MAP2K4: variants seen among roughly 807,000 people sequenced by gnomAD.
The protein encoded by MAP2K4 is dual specificity mitogen-activated protein kinase kinase 4.
A neutral mutation model predicts 48.5 loss-of-function variants in MAP2K4; 4 were observed. The observed-to-expected ratio is 0.08, with a 90% confidence interval of 0.04 to 0.19. The LOEUF (loss-of-function observed/expected upper bound fraction) is 0.19. Ranked by LOEUF, MAP2K4 falls within the 10% of genes least tolerant of loss-of-function variation. MAP2K4 has a pLI of 1.00. For synonymous variants in MAP2K4, 166 were observed against 173.1 expected (o/e 0.96, Z 0.32); for missense variants, 258 against 493.3 (o/e 0.52, Z 4.52).
chr17:12,065,075 C>T (rs1970566456), intron 2 of MAP2K4, among the ~76,000 whole-genome samples: 1 of 151,936 alleles, frequency 6.6e-6, no homozygotes, highest in South Asian at 2.1e-4. Context: ...CACCAGGGAA[C>T]CAGGGAATTT....
intron 1 of MAP2K4, among the ~76,000 whole-genome samples, chr17:12,048,946 C>T (rs1017026484): frequency 2.6e-5 from 4 of 152,116 alleles, no homozygotes; most frequent in Non-Finnish European, 5.9e-5. Flanking sequence ...CATGAGCCAC[C>T]GTGCCTGACC....
intron 6 of MAP2K4, 86 bp from the exon 7 acceptor site, chr17:12,113,147 G>A: frequency 7.7e-7 from 1 of 1,305,952 alleles, no homozygotes; most frequent in South Asian, 1.4e-5. Flanking sequence ...GTTGTCTAAG[G>A]TTTTTCAATA....
At chr17:12,041,812 A>G (rs545964345) in intron 1 of MAP2K4, among the ~76,000 whole-genome samples, 53 of 152,318 alleles carry the variant, frequency 3.5e-4, no homozygotes, top group African/African-American at 1.2e-3. Flanking sequence ...CTATTAAATG[A>G]CAGGTGCTGT....
intron 2 of MAP2K4, among the ~76,000 whole-genome samples, chr17:12,057,241 T>G (rs1970307468): frequency 6.6e-6 from 1 of 152,108 alleles, no homozygotes; most frequent in Admixed American, 6.5e-5. Flanking sequence ...AAGGGGTAAA[T>G]CATTTTAGAA....
chr17:12,140,089 C>T (rs1262456157), intron 10 of MAP2K4, among the ~76,000 whole-genome samples: 3 of 152,148 alleles, frequency 2.0e-5, no homozygotes, highest in Admixed American at 1.3e-4. Context: ...GCTAAATTCT[C>T]ATGGAAAATT....
intron 1 of MAP2K4, among the ~76,000 whole-genome samples, chr17:12,046,623 A>G (rs962806464): frequency 6.6e-6 from 1 of 152,144 alleles, no homozygotes; most frequent in Non-Finnish European, 1.5e-5. Context: ...TCCCATAATG[A>G]TGGCACTGTG....
intron 9 of MAP2K4, among the ~76,000 whole-genome samples, chr17:12,132,725 A>G (rs1973070281): frequency 6.6e-6 from 1 of 152,038 alleles, no homozygotes; most frequent in African/African-American, 2.4e-5. Context: ...AAGAATTTAC[A>G]GACAACAGTA....
intron 1 of MAP2K4, among the ~76,000 whole-genome samples, chr17:12,043,008 C>T (rs914368039): frequency 2.6e-5 from 4 of 151,684 alleles, no homozygotes; most frequent in Non-Finnish European, 4.4e-5. Flanking sequence ...GATTGTGCCA[C>T]TGCACCCCAG....
chr17:12,139,863 G>A lies in MAP2K4; in HGVS notation c.1065G>A (p.Arg355=), dbSNP rs1202217220. The A allele has an allele frequency of 1.2e-6, 2 of 1,606,276 alleles. No homozygotes were observed. Among genetic ancestry groups the A allele is most frequent in the East Asian group, 2.2e-5 (1 of 44,738 alleles). The change falls in exon 10 of 11, where the codon AGG becomes AGA. Residue 355 remains arginine (R), a synonymous_variant. Coordinates refer to ENST00000353533, the MANE Select transcript of MAP2K4 (RefSeq NM_003010.4). The part of the protein sequence containing the change: ...NLCLTKDESK[R]PKYKELLKHP... ...GCCTTACGAAGGATGAATCCAAAAG[G>A]CCAAAGTATAAAGAGCTTCTGGTGA... is the stretch of plus-strand genomic sequence containing the variant.
chr17:12,105,921 A>G (rs1337498392), intron 4 of MAP2K4, among the ~76,000 whole-genome samples: 1 of 151,816 alleles, frequency 6.6e-6, no homozygotes, highest in Non-Finnish European at 1.5e-5. Context: ...CCATTTGGTA[A>G]CTATAGTTTT....
chr17:12,104,250 A>G (rs1972035849), intron 4 of MAP2K4, among the ~76,000 whole-genome samples: 1 of 152,166 alleles, frequency 6.6e-6, no homozygotes, highest in Non-Finnish European at 1.5e-5. Flanking sequence ...AGGAAAAGAA[A>G]AGGGAAGAAC....
rs181855119 is a variant in MAP2K4 at position 12,064,412 on chromosome 17, G to A, written c.218+9421G>A. On this transcript the variant is annotated intron_variant, in intron 2 of 10. Coordinates refer to ENST00000353533, the MANE Select transcript of MAP2K4 (RefSeq NM_003010.4). ...AACCCAATTTGAAAAATGGTTTAAAGACTCTGATAGACACTTCACAAAGAA... is the reference window on the plus strand; with the variant it reads ...AACCCAATTTGAAAAATGGTTTAAAAACTCTGATAGACACTTCACAAAGAA... 2.7e-3 allele frequency among the ~76,000 whole-genome samples: 410 copies of A among 152,244 alleles called. 1 individual carries two copies. The highest frequency in any genetic ancestry group is 4.1e-3 in the Non-Finnish European group (277 of 68,030).
chr17:12,098,711 C>A (rs1399903862), intron 4 of MAP2K4, among the ~76,000 whole-genome samples: 1 of 151,744 alleles, frequency 6.6e-6, no homozygotes, highest in Admixed American at 6.6e-5. Context: ...TTTAGCTTAC[C>A]TTACTATCAC....
chr17:12,086,901 C>T (rs948857475), intron 3 of MAP2K4, among the ~76,000 whole-genome samples: 1 of 152,112 alleles, frequency 6.6e-6, no homozygotes, highest in Non-Finnish European at 1.5e-5. Context: ...GGCTGGAGTG[C>T]AGTGGCACAA....
At chr17:12,082,859 TTAAAA>T (rs1274266699) in intron 3 of MAP2K4, among the ~76,000 whole-genome samples, 1 of 152,258 alleles carries the variant, frequency 6.6e-6, no homozygotes, top group Non-Finnish European at 1.5e-5. Flanking sequence ...GCATTATGTG[TTAAAA>T]TAAAATGTTT....
intron 3 of MAP2K4, among the ~76,000 whole-genome samples, chr17:12,091,140 A>AGAGTTAT (rs1971549017): frequency 6.6e-6 from 1 of 152,194 alleles, no homozygotes; most frequent in Admixed American, 6.5e-5. Flanking sequence ...TATCAGTAAA[A>AGAGTTAT]GAGTTATTTA....
chr17:12,138,748 A>T (rs74937718), intron 9 of MAP2K4, among the ~76,000 whole-genome samples: 1 of 152,166 alleles, frequency 6.6e-6, no homozygotes, highest in South Asian at 2.1e-4. Flanking sequence ...CTTGGGATCA[A>T]CACTACCAAT....
intron 9 of MAP2K4, among the ~76,000 whole-genome samples, chr17:12,136,472 A>G (rs1973212241): frequency 6.6e-6 from 1 of 152,198 alleles, no homozygotes; most frequent in Non-Finnish European, 1.5e-5. Flanking sequence ...TCCCAATAAA[A>G]CTTTTTGAGA....
At position 12,102,361 on chromosome 17, in the gene MAP2K4, A is replaced by G. The variant is rs540400798; in HGVS notation, c.514-5429A>G. On this transcript the variant is annotated intron_variant, in intron 4 of 10. Coordinates refer to ENST00000353533, the MANE Select transcript of MAP2K4 (RefSeq NM_003010.4). The stretch of plus-strand genomic sequence containing the variant: ...TAGCTTTTATTTCTGGGAGAAATCC[A>G]GTTGGTTAGGATGTTTTATCTTTTT... Among the ~76,000 whole-genome samples, 3 of 152,276 alleles carry G rather than the reference A, an allele frequency of 2.0e-5. No individual in the cohort carries two copies. In the South Asian group the frequency reaches 6.2e-4, roughly 32 times the overall value.
Sources: gnomAD v4.1 joint callset for allele counts (sites outside exome capture counted in the v4.1 genomes callset) on GRCh38, gnomAD v4.1.1 for gene constraint, MANE v1.5 for transcripts, NCBI Gene and HGNC (gene_info 2026-07-23, HGNC 2026-07-21) for gene names.